CUL9: variants seen among roughly 807,000 people sequenced by gnomAD.
CUL9 encodes cullin 9.
CUL9 carries 79 observed loss-of-function variants against 272.6 expected under a neutral mutation model. That is an observed-to-expected ratio of 0.29 (90% confidence interval 0.24 to 0.35). The LOEUF (loss-of-function observed/expected upper bound fraction) is 0.35, where lower values mean the gene tolerates loss of function less well. CUL9 is among the 10% of genes least tolerant of loss of function. The pLI is 1.00. For synonymous variants in CUL9, 1,186 were observed against 1,286.5 expected (o/e 0.92, Z 1.67); for missense variants, 2,532 against 3,255.6 (o/e 0.78, Z 5.41).
Position 43,213,956 on chromosome 6 carries a change from A to G in CUL9, c.5688+44A>G, listed in dbSNP as rs895411354. 2.5e-6 allele frequency: 4 copies of G among 1,592,876 alleles called. No individual in the cohort carries two copies. The highest frequency in any genetic ancestry group is 3.4e-6 in the Non-Finnish European group (4 of 1,161,438). ...ATGAAGTTGGCGGAGGGAGGGAGTCATGCTTGGGATTGGGGATGAACACAG... is the reference window on the plus strand; with the variant it reads ...ATGAAGTTGGCGGAGGGAGGGAGTCGTGCTTGGGATTGGGGATGAACACAG... On this transcript the variant is annotated intron_variant, in intron 29 of 40. Transcript: ENST00000252050. This position sits in a 1 kb window ranked among gnomAD's most constrained non-coding sequence, Gnocchi z 5.7.
In CUL9 at chr6:43,205,413, C is replaced by T. The variant is rs1449999473; in HGVS notation, c.4783C>T (p.His1595Tyr). 6.2e-7 allele frequency: 1 copy of T among 1,613,992 alleles called. No homozygotes were observed. The highest frequency in any genetic ancestry group is 1.7e-5 in the Admixed American group (1 of 60,010). ...SGLELATTFE[H>Y]FYQHYMADRL... ...TCTGGAACTGGCCACAACTTTTGAG[C>T]ACTTCTATCAGTGAGTGCAGGTCTG... Residue 1595 changes from histidine (H) to tyrosine (Y), a missense_variant, in exon 24 of 41, where the codon CAC becomes TAC. His to Tyr is a moderately conservative substitution (Grantham distance 83). Transcript: ENST00000252050.
At chr6:43,217,069 A>G (rs947378136) in intron 31 of CUL9, among the ~76,000 whole-genome samples, 2 of 152,140 alleles carry the variant, frequency 1.3e-5, no homozygotes, top group African/African-American at 4.8e-5. Context: ...ATTTTTAAAA[A>G]TAGGCCTGGT....
At chr6:43,197,416 A>G (rs1461936972) in intron 11 of CUL9, among the ~76,000 whole-genome samples, 1 of 151,940 alleles carries the variant, frequency 6.6e-6, no homozygotes, top group Non-Finnish European at 1.5e-5. Flanking sequence ...TTGGCCCAGT[A>G]TTATTGGACA....
chr6:43,220,001 A>G lies in CUL9; in HGVS notation c.6283-458A>G, dbSNP rs558401296. On this transcript the variant is annotated intron_variant, in intron 31 of 40. Coordinates refer to ENST00000252050, the MANE Select transcript of CUL9 (RefSeq NM_015089.4). This position sits in a 1 kb window ranked among gnomAD's most constrained non-coding sequence, Gnocchi z 4.9. ...AGAAGAGGCTGGGTCTGTTGGAGGC[A>G]TAAGTCAGAGACAGGAGCATCCGGA... Among the ~76,000 whole-genome samples, 53 of 152,264 alleles carry G rather than the reference A, an allele frequency of 3.5e-4. No homozygotes were observed. The highest frequency in any genetic ancestry group is 1.2e-3 in the African/African-American group (48 of 41,552).
Position 43,222,648 on chromosome 6 carries a change from G to C in CUL9, c.7032+7G>C, listed in dbSNP as rs1477885023. On this transcript the variant is annotated splice_region_variant and intron_variant, in intron 37 of 40. Transcript: ENST00000252050. ...ACTGGAGCAGGCTCGGAAGGTGGTA[G>C]CGGGTGGGGGAAGAGAGCAGGGGAG... The C allele has an allele frequency of 6.2e-6, 10 of 1,611,318 alleles. No homozygotes were observed. The East Asian group carries it at 8.9e-5, about 14-fold the overall frequency.
At position 43,187,908 on chromosome 6, in the gene CUL9, G is replaced by C; in HGVS notation, c.1777G>C (p.Asp593His). ...STSRNHSCTP[D>H]PEEESKSEAS... ...TTCACGAAATCACTCCTGTACCCCA[G>C]ATCCAGAAGAGGAGTCCAAGTCGGA... is the stretch of plus-strand genomic sequence containing the variant. The change falls in exon 7 of 41, where the codon GAT becomes CAT. Residue 593 changes from aspartate (D) to histidine (H), a missense_variant. Asp to His is a moderately conservative substitution (Grantham distance 81). Coordinates refer to ENST00000252050, the MANE Select transcript of CUL9 (RefSeq NM_015089.4). The C allele has an allele frequency of 6.2e-7, 1 of 1,614,076 alleles. No homozygotes were observed. The highest frequency in any genetic ancestry group is 1.3e-5 in the African/African-American group (1 of 75,018).
At chr6:43,222,992 T>TCCCTC (rs1195551166) in intron 38 of CUL9, 96 bp downstream of exon 38, 1 of 1,022,684 alleles carries the variant, frequency 9.8e-7, no homozygotes, top group African/African-American at 1.6e-5. Context: ...ACCCTTACCT[T>TCCCTC]CCCTCTCTCC....
In CUL9 at chr6:43,216,172, C is replaced by G; in HGVS notation, c.5951C>G (p.Ala1984Gly). The change falls in exon 31 of 41, where the codon GCT (alanine) becomes GGT (glycine). Residue 1984 changes from alanine to glycine, a missense_variant. Physicochemically the swap from Ala to Gly is moderately conservative, Grantham distance 60. This residue lies in a region of CUL9 where 2,218 missense variants were observed against 2,788.6 expected (regional missense o/e 0.80). Transcript: ENST00000252050. Reference protein sequence around the residue: ...ETSKPSPEAVATLASLQLPAG... With the variant: ...ETSKPSPEAVGTLASLQLPAG... The stretch of plus-strand genomic sequence containing the variant: ...CTCCCCACAAGCCCAGAAGCTGTGG[C>G]TACCCTGGCATCTCTACAGCTGCCT... 6.2e-7 allele frequency: 1 copy of G among 1,602,842 alleles called. No homozygotes were observed. Among genetic ancestry groups the G allele is most frequent in the Non-Finnish European group, 8.5e-7 (1 of 1,170,720 alleles).
Position 43,184,787 on chromosome 6 carries a change from T to C in CUL9, c.477T>C (p.Thr159=). 6.2e-7 allele frequency: 1 copy of C among 1,614,124 alleles called. No homozygotes were observed. The highest frequency in any genetic ancestry group is 8.5e-7 in the Non-Finnish European group (1 of 1,180,048). The change falls in exon 2 of 41, where the codon ACT becomes ACC. Residue 159 remains threonine, a synonymous_variant. Coordinates refer to ENST00000252050, the MANE Select transcript of CUL9 (RefSeq NM_015089.4). This position sits in a 1 kb window ranked among gnomAD's most constrained non-coding sequence, Gnocchi z 4.8. The part of the protein sequence containing the change: ...LSAYASIGPL[T]GVFRETGALD... The stretch of plus-strand genomic sequence containing the variant: ...CCTACGCCAGCATCGGGCCCCTCAC[T>C]GGTGTCTTCAGGGAGACAGGAGCCC...
Position 43,220,170 on chromosome 6 carries a change from C to T in CUL9, c.6283-289C>T, listed in dbSNP as rs1304056351. Among the ~76,000 whole-genome samples, 1 of 152,168 alleles carries T rather than the reference C, an allele frequency of 6.6e-6. No homozygotes were observed. The highest frequency in any genetic ancestry group is 1.5e-5 in the Non-Finnish European group (1 of 68,020). Reference sequence around the variant, plus strand: ...CTTTCTGAGAATTTGAATCGTTCTCCTTTTTCTTAATTATTTTTACCCATT... The same window carrying T: ...CTTTCTGAGAATTTGAATCGTTCTCTTTTTTCTTAATTATTTTTACCCATT... On this transcript the variant is annotated intron_variant, in intron 31 of 40. Coordinates refer to ENST00000252050, the MANE Select transcript of CUL9 (RefSeq NM_015089.4). The surrounding 1 kb of genome is among the most constrained non-coding windows in gnomAD (Gnocchi z 4.9).
In CUL9 at chr6:43,213,164, T is replaced by G. The variant is rs34716183; in HGVS notation, c.5228T>G (p.Val1743Gly). Residue 1743 changes from valine (V) to glycine (G), a missense_variant, in exon 27 of 41, where the codon GTC (valine) becomes GGC (glycine). Physicochemically the swap from Val to Gly is moderately radical, Grantham distance 109. Around this residue, in one of 3 missense-constraint regions of CUL9, gnomAD observed 2,218 missense variants for 2,788.6 expected, o/e 0.80. Transcript: ENST00000252050. This position sits in a 1 kb window ranked among gnomAD's most constrained non-coding sequence, Gnocchi z 5.7. The stretch of plus-strand genomic sequence containing the variant: ...ACTTGCCTAGGTCAGAACCATCCAG[T>G]CCTGGACATGGGACCACATCGGCGA... The part of the protein sequence containing the change: ...SFYSQSQNHP[V>G]LDMGPHRRLQ... The G allele has an allele frequency of 1.9e-6, 3 of 1,614,080 alleles. No homozygotes were observed. The highest frequency in any genetic ancestry group is 2.5e-6 in the Non-Finnish European group (3 of 1,179,994).
At position 43,188,726 on chromosome 6, in the gene CUL9, TG is replaced by T; in HGVS notation, c.2180+15del. The T allele has an allele frequency of 1.3e-6, 2 of 1,585,396 alleles. No homozygotes were observed. Among genetic ancestry groups the T allele is most frequent in the South Asian group, 1.1e-5 (1 of 87,316 alleles). ...TGACAGATCGCTGAGGTTAGCATAC[TG>T]GGGAGGGAAGAGGTTTTGGTTGAAG... is the stretch of plus-strand genomic sequence containing the variant. On this transcript the variant is annotated intron_variant, in intron 8 of 40. Coordinates refer to ENST00000252050, the MANE Select transcript of CUL9 (RefSeq NM_015089.4).
chr6:43,195,367 A>G (rs1773910717), intron 9 of CUL9, among the ~76,000 whole-genome samples: 1 of 152,216 alleles, frequency 6.6e-6, no homozygotes, highest in Non-Finnish European at 1.5e-5. Context: ...GCACATTACA[A>G]TTATTTTTCC....
chr6:43,205,945 G>C (rs935181842), intron 24 of CUL9, 62 bp from the exon 25 acceptor site: 129 of 1,454,642 alleles, frequency 8.9e-5, no homozygotes, highest in Non-Finnish European at 1.2e-4. Context: ...ACATTCTCGA[G>C]GGGGAGGCTG....
intron 11 of CUL9, among the ~76,000 whole-genome samples, chr6:43,197,115 C>T (rs774654939): frequency 4.6e-5 from 7 of 152,020 alleles, no homozygotes; most frequent in African/African-American, 4.8e-5. Flanking sequence ...GGCACGATCT[C>T]GACTCACTGT....
intron 26 of CUL9, among the ~76,000 whole-genome samples, chr6:43,211,289 G>A (rs1056977555): frequency 3.3e-5 from 5 of 152,176 alleles, no homozygotes; most frequent in Non-Finnish European, 5.9e-5. Flanking sequence ...CAGCCACGGT[G>A]GCTCATGCCT....
At chr6:43,185,736 C>A (rs1772849315) in intron 3 of CUL9, 126 bp downstream of exon 3, 3 of 1,236,466 alleles carry the variant, frequency 2.4e-6, no homozygotes, top group Non-Finnish European at 3.3e-6. Flanking sequence ...GGTTCATGTC[C>A]TCCCTCCCAG....
Position 43,184,921 on chromosome 6 carries a change from G to T in CUL9, c.595+16G>T. 1 of 1,566,184 alleles carries T rather than the reference G, an allele frequency of 6.4e-7. No individual in the cohort carries two copies. The highest frequency in any genetic ancestry group is 8.7e-7 in the Non-Finnish European group (1 of 1,155,042). The stretch of plus-strand genomic sequence containing the variant: ...CACGATGCTGGTAAGAGACAGCCAG[G>T]GAAGAAGGAAAGGAATGGAGAAAAT... On this transcript the variant is annotated intron_variant, in intron 2 of 40. Coordinates refer to ENST00000252050, the MANE Select transcript of CUL9 (RefSeq NM_015089.4). This position sits in a 1 kb window ranked among gnomAD's most constrained non-coding sequence, Gnocchi z 4.8.
In CUL9 at chr6:43,220,427, CTG is replaced by C; in HGVS notation, c.6283-29_6283-28del. 2.5e-6 allele frequency: 4 copies of C among 1,612,358 alleles called. No homozygotes were observed. The highest frequency in any genetic ancestry group is 3.4e-6 in the Non-Finnish European group (4 of 1,178,890). The stretch of plus-strand genomic sequence containing the variant: ...TCCCCCTGTGCTGCTCCCACACTGT[CTG>C]TGAGCAGCCCCTCCTTTTGTCCCTC... On this transcript the variant is annotated intron_variant, in intron 31 of 40. Transcript: ENST00000252050. The surrounding 1 kb of genome is among the most constrained non-coding windows in gnomAD (Gnocchi z 4.9).
Sources: allele counts gnomAD v4.1 joint callset (sites outside exome capture counted in the v4.1 genomes callset), GRCh38; gene constraint gnomAD v4.1.1; regional missense constraint gnomAD v4.1.1; non-coding constraint Gnocchi (gnomAD v3.1); transcripts MANE v1.5; gene names NCBI Gene and HGNC (gene_info 2026-07-23, HGNC 2026-07-21).